MAML2: variants seen among roughly 807,000 people sequenced by gnomAD.
MAML2 encodes mastermind like transcriptional coactivator 2.
Under a neutral mutation model 96.1 loss-of-function variants are expected in MAML2, and 22 were observed. That is an observed-to-expected ratio of 0.23 (90% CI 0.16 to 0.33). MAML2 has a LOEUF of 0.33. MAML2 is among the 10% of genes least tolerant of loss of function. The pLI, the probability that MAML2 is intolerant of heterozygous loss-of-function variation, is 1.00. For synonymous variants in MAML2, 561 were observed against 521.3 expected (o/e 1.08, Z -1.04); for missense variants, 1,367 against 1,392.4 (o/e 0.98, Z 0.29).
intron 2 of MAML2, among the ~76,000 whole-genome samples, chr11:96,032,933 T>A (rs1440335624): frequency 6.6e-6 from 1 of 152,190 alleles, no homozygotes; most frequent in Non-Finnish European, 1.5e-5. Flanking sequence ...GTGATGAAAA[T>A]TCTATTAATA....
At chr11:96,020,728 A>G (rs1164217462) in intron 2 of MAML2, among the ~76,000 whole-genome samples, 1 of 152,246 alleles carries the variant, frequency 6.6e-6, no homozygotes, top group Admixed American at 6.5e-5. Context: ...ACAGTTTTAC[A>G]GTATATTTTA....
intron 2 of MAML2, among the ~76,000 whole-genome samples, chr11:96,044,955 C>T (rs1002776568): frequency 6.6e-6 from 1 of 152,144 alleles, no homozygotes; most frequent in Non-Finnish European, 1.5e-5. Flanking sequence ...ATCATGCACA[C>T]TCTTAGGACA....
intron 2 of MAML2, among the ~76,000 whole-genome samples, chr11:96,062,348 C>G (rs1210194552): frequency 1.3e-5 from 2 of 152,134 alleles, no homozygotes; most frequent in Non-Finnish European, 2.9e-5. Context: ...AGCATGTAGA[C>G]ACTGCAGTGA....
intron 1 of MAML2, among the ~76,000 whole-genome samples, chr11:96,326,223 C>T (rs552633339): frequency 2.6e-4 from 39 of 151,992 alleles, no homozygotes; most frequent in African/African-American, 9.4e-4. Context: ...CATCTTTTTC[C>T]TTGCACCAAC....
At chr11:96,184,412 C>T (rs935457588) in intron 1 of MAML2, among the ~76,000 whole-genome samples, 1 of 151,234 alleles carries the variant, frequency 6.6e-6, no homozygotes, top group Non-Finnish European at 1.5e-5. Context: ...TGCACTCCAG[C>T]CTGGGTGACA....
intron 1 of MAML2, among the ~76,000 whole-genome samples, chr11:96,199,771 T>C (rs965712621): frequency 2.6e-5 from 4 of 152,212 alleles, no homozygotes; most frequent in African/African-American, 9.7e-5. Flanking sequence ...TGTTGACTCA[T>C]GTGAATATGC....
intron 2 of MAML2, among the ~76,000 whole-genome samples, chr11:96,061,999 T>C (rs1859168184): frequency 6.6e-6 from 1 of 151,866 alleles, no homozygotes; most frequent in South Asian, 2.1e-4. Flanking sequence ...GAGAGACGAG[T>C]TCCACTTTAA....
At chr11:96,138,967 T>G (rs1860684937) in intron 1 of MAML2, among the ~76,000 whole-genome samples, 1 of 152,330 alleles carries the variant, frequency 6.6e-6, no homozygotes, top group East Asian at 1.9e-4. Flanking sequence ...TTTTCTTTAG[T>G]CTTCCAAAAA....
Position 96,034,422 on chromosome 11 carries a change from TGTGTGTGTGTGA to T in MAML2, c.2140-42711_2140-42700del, listed in dbSNP as rs1429787743. Among the ~76,000 whole-genome samples the T allele has an allele frequency of 8.2e-3, 823 of 100,462 alleles. 6 individuals carry two copies. Among genetic ancestry groups the T allele is most frequent in the Non-Finnish European group, 9.7e-3 (484 of 49,756 alleles). The allele number at this position is 100,462 out of a possible 152,430, so 65.9% of individuals were successfully genotyped here. A position where few individuals can be genotyped will look rare whatever the true frequency, so the allele number is the denominator to read the frequency against. On this transcript the variant is annotated intron_variant, in intron 2 of 4. Coordinates refer to ENST00000524717, the MANE Select transcript of MAML2 (RefSeq NM_032427.4). ...AAATACTTTGAAGTGTGTGTGTGTG[TGTGTGTGTGTGA>T]GAGAGAGAGAGAGAGAGAGAGAGTG...
intron 1 of MAML2, among the ~76,000 whole-genome samples, chr11:96,180,421 A>C (rs925104628): frequency 5.3e-5 from 8 of 152,156 alleles, no homozygotes; most frequent in Admixed American, 4.6e-4. Context: ...CTTTTTCAGG[A>C]TGCTTATGCT....
At chr11:95,981,620 TA>T (rs569081160) in intron 4 of MAML2, among the ~76,000 whole-genome samples, 36 of 152,258 alleles carry the variant, frequency 2.4e-4, no homozygotes, top group Non-Finnish European at 4.4e-4. Flanking sequence ...CTAGACTACA[TA>T]CCCCTTGAAG....
At chr11:96,163,595 C>A (rs1258489616) in intron 1 of MAML2, among the ~76,000 whole-genome samples, 1 of 152,194 alleles carries the variant, frequency 6.6e-6, no homozygotes, top group Non-Finnish European at 1.5e-5. Flanking sequence ...ACAGCTACTC[C>A]ATCTTCTCCA....
chr11:96,146,146 A>G (rs767946778), intron 1 of MAML2, among the ~76,000 whole-genome samples: 2 of 152,252 alleles, frequency 1.3e-5, no homozygotes, highest in African/African-American at 2.4e-5. Context: ...ATATATCCAT[A>G]TCATTGTGGT....
At chr11:96,315,471 T>C (rs1863617430) in intron 1 of MAML2, among the ~76,000 whole-genome samples, 1 of 152,348 alleles carries the variant, frequency 6.6e-6, no homozygotes, top group East Asian at 1.9e-4. Context: ...TAGAAGTACA[T>C]TTTATTTATT....
intron 2 of MAML2, among the ~76,000 whole-genome samples, chr11:96,058,242 A>G (rs1159859457): frequency 1.3e-5 from 2 of 152,238 alleles, no homozygotes; most frequent in Non-Finnish European, 2.9e-5. Flanking sequence ...GGAGCCTTTC[A>G]TCTTATCCCC....
At position 96,092,360 on chromosome 11, in the gene MAML2, C is replaced by T. The variant is rs770843927; in HGVS notation, c.1671G>A (p.Lys557=). 1 of 1,613,454 alleles carries T rather than the reference C, an allele frequency of 6.2e-7. No homozygotes were observed. Among genetic ancestry groups the T allele is most frequent in the Non-Finnish European group, 8.5e-7 (1 of 1,179,690 alleles). The change falls in exon 2 of 5, where the codon AAG becomes AAA. Residue 557 remains lysine, a synonymous_variant. Transcript: ENST00000524717. This position sits in a 1 kb window ranked among gnomAD's most constrained non-coding sequence, Gnocchi z 4.1. Reference sequence around the variant, plus strand: ...GATCTGAGTTAAAATGAAACAAAGGCTTGGTGTTGCCCTGACGGGGCTCCA... The same window carrying T: ...GATCTGAGTTAAAATGAAACAAAGGTTTGGTGTTGCCCTGACGGGGCTCCA... ...PAMEPRQGNT[K]PLFHFNSDQA... is the part of the protein sequence containing the mutation.
At chr11:96,020,355 G>A (rs1858417641) in intron 2 of MAML2, among the ~76,000 whole-genome samples, 1 of 152,150 alleles carries the variant, frequency 6.6e-6, no homozygotes, top group Non-Finnish European at 1.5e-5. Flanking sequence ...ACCCACACTT[G>A]CCTTCCTATT....
intron 1 of MAML2, among the ~76,000 whole-genome samples, chr11:96,301,801 C>T (rs1863390329): frequency 1.3e-5 from 2 of 152,194 alleles, no homozygotes; most frequent in Admixed American, 1.3e-4. Context: ...CAAGTGCTGA[C>T]ACTTTTACTT....
chr11:96,034,966 G>C (rs1858689003), intron 2 of MAML2, among the ~76,000 whole-genome samples: 1 of 152,178 alleles, frequency 6.6e-6, no homozygotes, highest in Non-Finnish European at 1.5e-5. Flanking sequence ...TAGTTTAAAA[G>C]ATTAAAAGGC....
Sources: allele counts gnomAD v4.1 joint callset (sites outside exome capture counted in the v4.1 genomes callset), GRCh38; gene constraint gnomAD v4.1.1; non-coding constraint Gnocchi (gnomAD v3.1); transcripts MANE v1.5; gene names NCBI Gene and HGNC (gene_info 2026-07-23, HGNC 2026-07-21).